The following DENND1B variants were observed in gnomAD, a reference collection of about 807,000 sequenced individuals.
DENND1B encodes the protein DENN domain-containing protein 1B.
A neutral mutation model predicts 90.1 loss-of-function variants in DENND1B; 59 were observed. The observed-to-expected ratio is 0.65, with a 90% CI of 0.53 to 0.81. DENND1B has a LOEUF of 0.81. Among genes scored for constraint, DENND1B ranks in the 40% least tolerant of loss-of-function variants. The pLI, the probability that DENND1B is intolerant of heterozygous loss-of-function variation, is 0.00. For synonymous variants in DENND1B, 337 were observed against 324.6 expected, an observed-to-expected ratio of 1.04 and a Z score of -0.41; for missense variants, 862 against 912.6, an observed-to-expected ratio of 0.94 and a Z score of 0.71.
At position 197,508,609 on chromosome 1, in the gene DENND1B, C is replaced by A. The variant is rs1157310062; in HGVS notation, c.*1851G>T. 1.3e-5 allele frequency: 2 copies of A among 151,616 alleles called. No individual in the cohort carries two copies. Among genetic ancestry groups the A allele is most frequent in the Admixed American group, 6.6e-5 (1 of 15,180 alleles). The allele number at this position is 151,616 out of a possible 1,614,324, so 9.4% of individuals were successfully genotyped here. A position where few individuals can be genotyped will look rare whatever the true frequency, so the allele number is the denominator to read the frequency against. On this transcript the variant is annotated 3_prime_UTR_variant, in exon 23 of 23. Coordinates refer to ENST00000620048, the MANE Select transcript of DENND1B (RefSeq NM_001195215.2). The stretch of plus-strand genomic sequence containing the variant: ...GTCATTTTCTTTAAATTATTTCAAA[C>A]CCTCTTCTAGGATTTTAGCTGAAAT...
chr1:197,733,916 A>C (rs1319787246), intron 2 of DENND1B: 2 of 250,870 alleles, frequency 8.0e-6, no homozygotes, highest in Non-Finnish European at 1.3e-5. Flanking sequence ...CCCTTCCTCT[A>C]TACGTGCTCT....
At chr1:197,707,876 G>T (rs1454375537) in intron 3 of DENND1B, among the ~76,000 whole-genome samples, 4 of 148,766 alleles carry the variant, frequency 2.7e-5, no homozygotes, top group South Asian at 2.1e-4. Context: ...TGTGCGCACC[G>T]TGCGCGAGCC....
intron 3 of DENND1B, among the ~76,000 whole-genome samples, chr1:197,697,375 A>T (rs1363769335): frequency 6.6e-6 from 1 of 151,534 alleles, no homozygotes; most frequent in Non-Finnish European, 1.5e-5. Flanking sequence ...CATCTCTATC[A>T]CTCTACTACA....
At chr1:197,634,896 T>G (rs1679639754) in intron 10 of DENND1B, among the ~76,000 whole-genome samples, 1 of 151,962 alleles carries the variant, frequency 6.6e-6, no homozygotes, top group Non-Finnish European at 1.5e-5. Flanking sequence ...GAGGCTGAGG[T>G]GTGGAAAGAT....
chr1:197,771,512 C>A (rs1013069212), intron 2 of DENND1B, among the ~76,000 whole-genome samples: 2 of 152,154 alleles, frequency 1.3e-5, no homozygotes, highest in Non-Finnish European at 2.9e-5. Context: ...AATAGACAAA[C>A]CTGACCACAG....
At chr1:197,585,864 A>G (rs1674651387) in intron 14 of DENND1B, among the ~76,000 whole-genome samples, 1 of 152,234 alleles carries the variant, frequency 6.6e-6, no homozygotes, top group Non-Finnish European at 1.5e-5. Context: ...ATATTAATAA[A>G]TGACTCTTGA....
At chr1:197,729,987 A>G (rs1662005003) in intron 2 of DENND1B, among the ~76,000 whole-genome samples, 1 of 152,144 alleles carries the variant, frequency 6.6e-6, no homozygotes, top group Admixed American at 6.5e-5. Flanking sequence ...ACTACTACGA[A>G]AAAAGTTCTG....
intron 5 of DENND1B, among the ~76,000 whole-genome samples, chr1:197,664,716 T>C (rs896543202): frequency 6.6e-6 from 1 of 152,164 alleles, no homozygotes; most frequent in African/African-American, 2.4e-5. Flanking sequence ...TGCCTTTCCG[T>C]AGGAAAACAT....
chr1:197,726,507 T>A (rs1661648179), intron 2 of DENND1B, among the ~76,000 whole-genome samples: 1 of 152,176 alleles, frequency 6.6e-6, no homozygotes, highest in Non-Finnish European at 1.5e-5. Context: ...AGGGTGAATA[T>A]CACTGTCAGC....
At chr1:197,646,999 T>A in intron 8 of DENND1B, 56 bp downstream of exon 8, 1 of 1,292,510 alleles carries the variant, frequency 7.7e-7, no homozygotes, top group Non-Finnish European at 1.0e-6. Flanking sequence ...GTGAAATAAG[T>A]GATTATTTTT....
chr1:197,699,965 A>T (rs1439632218), intron 3 of DENND1B, among the ~76,000 whole-genome samples: 1 of 152,190 alleles, frequency 6.6e-6, no homozygotes, highest in Non-Finnish European at 1.5e-5. Flanking sequence ...AAGAGAGGAC[A>T]CAAACAAACG....
intron 18 of DENND1B, among the ~76,000 whole-genome samples, chr1:197,545,004 C>A (rs770200921): frequency 0.25 from 2,021 of 8,126 alleles, 32 homozygotes; most frequent in South Asian, 0.39. Flanking sequence ...AGAAGGAAGA[C>A]GACGACGACG....
intron 2 of DENND1B, among the ~76,000 whole-genome samples, chr1:197,727,504 C>T (rs1661752198): frequency 1.3e-5 from 2 of 149,318 alleles, no homozygotes; most frequent in African/African-American, 5.0e-5. Flanking sequence ...CACTGCACTC[C>T]AGCCTGGGAG....
intron 10 of DENND1B, among the ~76,000 whole-genome samples, chr1:197,631,997 T>C (rs1291138444): frequency 6.6e-6 from 1 of 152,138 alleles, no homozygotes; most frequent in African/African-American, 2.4e-5. Context: ...CTTAAGCTAA[T>C]ACCACAGGCA....
intron 14 of DENND1B, among the ~76,000 whole-genome samples, chr1:197,594,631 A>T (rs978742458): frequency 7.2e-5 from 11 of 152,140 alleles, no homozygotes; most frequent in African/African-American, 2.4e-4. Flanking sequence ...ACCTTTTTGG[A>T]TACTCTTAAA....
Position 197,642,826 on chromosome 1 carries a change from A to T in DENND1B, c.562-5T>A. ...AAAATATTCTGTAAGATTTCTCTGT[A>T]CAAGTAAAAGATAATTGTGTAAGTT... On this transcript the variant is annotated splice_region_variant and splice_polypyrimidine_tract_variant and intron_variant, in intron 9 of 22. Coordinates refer to ENST00000620048, the MANE Select transcript of DENND1B (RefSeq NM_001195215.2). 6.2e-7 allele frequency: 1 copy of T among 1,604,110 alleles called. No homozygotes were observed. Among genetic ancestry groups the T allele is most frequent in the Non-Finnish European group, 8.5e-7 (1 of 1,173,026 alleles).
At chr1:197,610,747 C>T (rs1380799164) in intron 12 of DENND1B, among the ~76,000 whole-genome samples, 1 of 150,710 alleles carries the variant, frequency 6.6e-6, no homozygotes, top group East Asian at 2.0e-4. Flanking sequence ...TATCCTTTCA[C>T]TGAAAGTACC....
chr1:197,746,825 G>A, intron 2 of DENND1B: 1 of 1,611,044 alleles, frequency 6.2e-7, no homozygotes, highest in Non-Finnish European at 8.5e-7. Flanking sequence ...CTTCTTTTTG[G>A]GGGCAGCCTG....
intron 2 of DENND1B, among the ~76,000 whole-genome samples, chr1:197,754,045 T>G (rs143323274): frequency 0.011 from 1,671 of 151,798 alleles, 32 homozygotes; most frequent in African/African-American, 0.038. Flanking sequence ...AATTCTATTT[T>G]TAAAATACAT....
Sources: allele counts gnomAD v4.1 joint callset (sites outside exome capture counted in the v4.1 genomes callset), GRCh38; gene constraint gnomAD v4.1.1; transcripts MANE v1.5; gene names NCBI Gene and HGNC (gene_info 2026-07-23, HGNC 2026-07-21).